UVRAG: variants seen among roughly 807,000 people sequenced by gnomAD.
UVRAG encodes UV radiation resistance associated, also known as UV radiation resistance-associated gene protein.
In UVRAG, 19 loss-of-function variants were observed where a neutral mutation model predicts 78.0. That is an observed-to-expected ratio of 0.24 (90% confidence interval 0.17 to 0.36). The LOEUF is 0.36. Ranked by LOEUF, UVRAG falls within the 10% of genes least tolerant of loss-of-function variation. UVRAG has a pLI of 1.00. For missense variants in UVRAG, 740 were observed against 853.8 expected (o/e 0.87, Z 1.66); for synonymous variants, 323 against 324.6 (o/e 1.00, Z 0.05).
intron 8 of UVRAG, 41 bp from the exon 9 acceptor site, chr11:76,003,964 C>A (rs757476100): frequency 1.3e-6 from 2 of 1,573,974 alleles, no homozygotes; most frequent in South Asian, 2.2e-5. Context: ...TTGAGTAATC[C>A]TATGTTACAT....
At chr11:75,939,859 G>A (rs998578183) in intron 6 of UVRAG, among the ~76,000 whole-genome samples, 10 of 152,102 alleles carry the variant, frequency 6.6e-5, no homozygotes, top group Non-Finnish European at 1.3e-4. Context: ...TTTGATTTAT[G>A]TCCAGTTAAA....
Position 76,059,439 on chromosome 11 carries a change from A to T in UVRAG, c.1227-6271A>T, listed in dbSNP as rs1045731853. ...AGGATTCTGGCTAGGTAGTAAGCAA[A>T]TTGATAAGAGCTTGGACCAATGATT... On this transcript the variant is annotated intron_variant, in intron 12 of 14. Transcript: ENST00000356136. Among the ~76,000 whole-genome samples the T allele has an allele frequency of 2.0e-5, 3 of 152,220 alleles. No homozygotes were observed. The East Asian group carries it at 5.8e-4, about 29-fold the overall frequency.
At chr11:75,841,776 G>C (rs140311524) in intron 1 of UVRAG, among the ~76,000 whole-genome samples, 2 of 152,076 alleles carry the variant, frequency 1.3e-5, no homozygotes, top group African/African-American at 4.8e-5. Flanking sequence ...GTCCTTACCC[G>C]TGTCAACCCC....
At position 76,069,152 on chromosome 11, in the gene UVRAG, A is replaced by G. The variant is rs183332368; in HGVS notation, c.1305+3364A>G. Reference sequence around the variant, plus strand: ...AGAATTTAGTAATATTTGTTACTTCAGTATTTGGGATCAGTCCAGCCCAAG... The same window carrying G: ...AGAATTTAGTAATATTTGTTACTTCGGTATTTGGGATCAGTCCAGCCCAAG... On this transcript the variant is annotated intron_variant, in intron 13 of 14. Coordinates refer to ENST00000356136, the MANE Select transcript of UVRAG (RefSeq NM_003369.4). Among the ~76,000 whole-genome samples the G allele has an allele frequency of 1.6e-4, 25 of 152,328 alleles. No individual in the cohort carries two copies. The East Asian group carries it at 4.6e-3, about 28-fold the overall frequency.
At position 76,092,056 on chromosome 11, in the gene UVRAG, T is replaced by A. The variant is rs1591227603; in HGVS notation, c.1306-23868T>A. On this transcript the variant is annotated intron_variant, in intron 13 of 14. Coordinates refer to ENST00000356136, the MANE Select transcript of UVRAG (RefSeq NM_003369.4). ...ATGTACAAGTGTTCTCATTGTTCAA[T>A]TCCCACCTATGAGTGAGAACATGCT... is the stretch of plus-strand genomic sequence containing the variant. Among the ~76,000 whole-genome samples, 7 of 151,316 alleles carry A rather than the reference T, an allele frequency of 4.6e-5. No individual in the cohort carries two copies. In the South Asian group the frequency reaches 1.5e-3, roughly 32 times the overall value.
At chr11:75,937,514 T>C (rs540682100) in intron 6 of UVRAG, among the ~76,000 whole-genome samples, 8 of 152,352 alleles carry the variant, frequency 5.3e-5, no homozygotes, top group East Asian at 1.9e-4. Context: ...ATGCTTTCAT[T>C]GGGCTTGGAA....
intron 6 of UVRAG, among the ~76,000 whole-genome samples, chr11:75,935,515 T>G (rs1948352102): frequency 6.6e-6 from 1 of 152,134 alleles, no homozygotes; most frequent in Non-Finnish European, 1.5e-5. Context: ...GATTGACCAT[T>G]ATTTCCATGG....
Position 76,028,274 on chromosome 11 carries a change from TC to T in UVRAG, c.1226+11299del, listed in dbSNP as rs372547046. Among the ~76,000 whole-genome samples the T allele has an allele frequency of 4.1e-3, 619 of 152,178 alleles. 3 individuals are homozygous for T. The highest frequency in any genetic ancestry group is 0.014 in the African/African-American group (588 of 41,526). On this transcript the variant is annotated intron_variant, in intron 12 of 14. Transcript: ENST00000356136. ...TCTGACTGCTCCACTGACCAGCTCT[TC>T]CCCCATCTCTCTCCCTCTCCTCAAA...
rs1433781263 is a variant in UVRAG at position 76,005,960 on chromosome 11, T to G, written c.912-1574T>G. ...CATCAATCTCCAGACACTGCCAGTC[T>G]GGAAGCTCATTAGATCTTGTTGTGC... On this transcript the variant is annotated intron_variant, in intron 9 of 14. Transcript: ENST00000356136. 2.0e-5 allele frequency among the ~76,000 whole-genome samples: 3 copies of G among 152,210 alleles called. No homozygotes were observed. The South Asian group carries it at 6.2e-4, about 32-fold the overall frequency.
Position 75,837,234 on chromosome 11 carries a change from G to A in UVRAG, c.118-14649G>A, listed in dbSNP as rs541957587. ...CCCAGCTACTCAGGAGGCTGAGGCA[G>A]GAGAATCGTGTGACCTCGGGAGTCA... On this transcript the variant is annotated intron_variant, in intron 1 of 14. Coordinates refer to ENST00000356136, the MANE Select transcript of UVRAG (RefSeq NM_003369.4). Among the ~76,000 whole-genome samples the A allele has an allele frequency of 1.3e-4, 20 of 151,598 alleles. No homozygotes were observed. In the South Asian group the frequency reaches 3.7e-3, roughly 28 times the overall value.
chr11:76,077,093 T>A (rs912343360), intron 13 of UVRAG, among the ~76,000 whole-genome samples: 1 of 149,096 alleles, frequency 6.7e-6, no homozygotes, highest in Non-Finnish European at 1.5e-5. Flanking sequence ...TCTTTAAGGT[T>A]GATAATTAAA....
In UVRAG at chr11:76,115,924, C is replaced by A; in HGVS notation, c.1306C>A (p.Leu436Ile). 6.2e-7 allele frequency: 1 copy of A among 1,613,650 alleles called. No homozygotes were observed. ...TAATTCTATTTTTTCACCTTCACAG[C>A]TAAGATATCAACATGGACTAGGGAC... ...VYLLNKNIAQLRYQHGLGTPD... is the reference protein window; with the variant it reads ...VYLLNKNIAQIRYQHGLGTPD... The change falls in exon 14 of 15, where the codon CTA becomes ATA. Residue 436 changes from leucine to isoleucine, a missense_variant and splice_region_variant. Leu to Ile is a conservative substitution (Grantham distance 5). Transcript: ENST00000356136.
chr11:75,912,580 T>C (rs1332570742), intron 6 of UVRAG, among the ~76,000 whole-genome samples: 1 of 152,226 alleles, frequency 6.6e-6, no homozygotes, highest in African/African-American at 2.4e-5. Flanking sequence ...ATTTTAAATG[T>C]GATAGATCAT....
intron 3 of UVRAG, among the ~76,000 whole-genome samples, chr11:75,864,363 CTCTT>C (rs754488091): frequency 2.1e-4 from 32 of 152,132 alleles, no homozygotes; most frequent in Non-Finnish European, 3.8e-4. Context: ...GCCTAATTAA[CTCTT>C]TCTTTCTGAG....
Position 76,007,739 on chromosome 11 carries a change from C to T in UVRAG, c.999+118C>T, listed in dbSNP as rs536839338. 1.1e-4 allele frequency: 81 copies of T among 744,218 alleles called. No homozygotes were observed. In the African/African-American group the frequency reaches 1.3e-3, roughly 12 times the overall value. The allele number at this position is 744,218 out of a possible 1,614,324, so 46.1% of individuals were successfully genotyped here. ...CTTAATCATATGCTCTGTCATGATTCATTCAGGAGCTAATGTCTATTTAAA... is the reference window on the plus strand; with the variant it reads ...CTTAATCATATGCTCTGTCATGATTTATTCAGGAGCTAATGTCTATTTAAA... On this transcript the variant is annotated intron_variant, in intron 10 of 14. Coordinates refer to ENST00000356136, the MANE Select transcript of UVRAG (RefSeq NM_003369.4).
chr11:75,997,735 A>C (rs2135316432), intron 8 of UVRAG, among the ~76,000 whole-genome samples: 2 of 152,352 alleles, frequency 1.3e-5, no homozygotes, highest in Admixed American at 1.3e-4. Flanking sequence ...AGCCTAGAAC[A>C]CAAATAGAAA....
chr11:75,975,056 T>C (rs1949208025), intron 7 of UVRAG, among the ~76,000 whole-genome samples: 1 of 152,200 alleles, frequency 6.6e-6, no homozygotes. Context: ...AATTTTTGTA[T>C]AAGGTGTAAG....
chr11:76,098,478 T>G (rs1951825163), intron 13 of UVRAG, among the ~76,000 whole-genome samples: 1 of 152,206 alleles, frequency 6.6e-6, no homozygotes. Flanking sequence ...TTCCTTCTCC[T>G]GTACCATCTC....
chr11:75,928,619 G>C (rs1360779558), intron 6 of UVRAG, among the ~76,000 whole-genome samples: 2 of 151,592 alleles, frequency 1.3e-5, no homozygotes, highest in South Asian at 2.1e-4. Flanking sequence ...AAAGGTTGCT[G>C]ATTGGTTGAG....
Sources: gnomAD v4.1 joint callset for allele counts (sites outside exome capture counted in the v4.1 genomes callset) on GRCh38, gnomAD v4.1.1 for gene constraint, MANE v1.5 for transcripts, NCBI Gene and HGNC (gene_info 2026-07-23, HGNC 2026-07-21) for gene names.